The following FOXP1 variants were observed in gnomAD, a reference collection of about 807,000 sequenced individuals.
The protein encoded by FOXP1 is forkhead box P1.
FOXP1 carries 15 observed loss-of-function variants against 98.2 expected under a neutral mutation model. The observed-to-expected ratio is 0.15, with a 90% confidence interval of 0.10 to 0.24. FOXP1 has a LOEUF of 0.24. Among genes scored for constraint, FOXP1 ranks in the 10% least tolerant of loss-of-function variants. FOXP1 has a pLI of 1.00. For synonymous variants in FOXP1, 371 were observed against 314.5 expected (o/e 1.18, Z -1.90); for missense variants, 633 against 848.5 (o/e 0.75, Z 3.15).
At chr3:71,202,981 T>C (rs562212283) in intron 5 of FOXP1, among the ~76,000 whole-genome samples, 1 of 152,286 alleles carries the variant, frequency 6.6e-6, no homozygotes, top group East Asian at 1.9e-4. Context: ...CCTCTGCTTC[T>C]CTCTGGGGGA....
At chr3:71,255,520 T>A (rs1303685481) in intron 5 of FOXP1, among the ~76,000 whole-genome samples, 2 of 152,226 alleles carry the variant, frequency 1.3e-5, no homozygotes, top group Non-Finnish European at 2.9e-5. Flanking sequence ...TTTAGGCTAA[T>A]AAATTTCTTT....
In FOXP1 at chr3:70,956,719, G is replaced by A. The variant is rs2031883430; in HGVS notation, c.*2528C>T. 7.5e-6 allele frequency: 1 copy of A among 133,858 alleles called. No individual in the cohort carries two copies. The allele number at this position is 133,858 out of a possible 1,614,324, so 8.3% of individuals were successfully genotyped here. A position where few individuals can be genotyped will look rare whatever the true frequency, so the allele number is the denominator to read the frequency against. On this transcript the variant is annotated 3_prime_UTR_variant, in exon 21 of 21. Transcript: ENST00000649528. ...CTGGCTACTGCCTGCACATCATGAA[G>A]CTGCCTGGAAAAGTTTTTTTTTTTT...
chr3:70,970,578 T>C (rs749898604), intron 19 of FOXP1, 158 bp downstream of exon 19: 3 of 714,524 alleles, frequency 4.2e-6, no homozygotes, highest in African/African-American at 1.8e-5. Flanking sequence ...AGCAGCCCGA[T>C]GTGTTTGCCT....
At chr3:71,479,766 C>G (rs1433591195) in intron 3 of FOXP1, among the ~76,000 whole-genome samples, 1 of 150,444 alleles carries the variant, frequency 6.6e-6, no homozygotes, top group South Asian at 2.1e-4. Flanking sequence ...GTAGACAGAA[C>G]AGAAAAATTA....
intron 11 of FOXP1, among the ~76,000 whole-genome samples, chr3:71,029,387 GCT>G: frequency 6.6e-6 from 1 of 151,974 alleles, no homozygotes; most frequent in South Asian, 2.1e-4. Flanking sequence ...TTCCACTAGT[GCT>G]CTTTTTTTTT....
At chr3:71,025,507 G>A (rs2045995338) in intron 11 of FOXP1, among the ~76,000 whole-genome samples, 1 of 152,178 alleles carries the variant, frequency 6.6e-6, no homozygotes, top group African/African-American at 2.4e-5. Flanking sequence ...GATGGACATA[G>A]ATAAATATGT....
At chr3:71,240,874 T>G (rs966875069) in intron 5 of FOXP1, among the ~76,000 whole-genome samples, 1 of 151,860 alleles carries the variant, frequency 6.6e-6, no homozygotes, top group Admixed American at 6.6e-5. Context: ...ATCTCATCTA[T>G]GAAGGCCCAG....
rs760750456 is a variant in FOXP1 at position 71,380,635 on chromosome 3, T to C, written c.-167-21391A>G. Reference sequence around the variant, plus strand: ...ACTTTACACTCTTCAATGTTTGATATGCACAATGTTTATTTTTTAACAATG... The same window carrying C: ...ACTTTACACTCTTCAATGTTTGATACGCACAATGTTTATTTTTTAACAATG... On this transcript the variant is annotated intron_variant, in intron 3 of 20. Transcript: ENST00000649528. Among the ~76,000 whole-genome samples the C allele has an allele frequency of 2.0e-5, 3 of 151,972 alleles. No individual in the cohort carries two copies. In the East Asian group the frequency reaches 5.8e-4, roughly 29 times the overall value.
At chr3:71,081,676 T>G (rs2054435583) in intron 7 of FOXP1, among the ~76,000 whole-genome samples, 1 of 152,230 alleles carries the variant, frequency 6.6e-6, no homozygotes, top group Non-Finnish European at 1.5e-5. Context: ...GGAGCAGTGC[T>G]TTTTATTTCC....
chr3:71,537,002 C>T (rs937519), intron 2 of FOXP1, among the ~76,000 whole-genome samples: 12,359 of 152,208 alleles, frequency 0.081, 699 homozygotes, highest in African/African-American at 0.16. Flanking sequence ...GGTCTGCCAA[C>T]TGTCCCAGGA....
intron 4 of FOXP1, among the ~76,000 whole-genome samples, chr3:71,306,391 A>T (rs187977473): frequency 6.6e-6 from 1 of 152,276 alleles, no homozygotes; most frequent in East Asian, 1.9e-4. Flanking sequence ...GTTGCATTTC[A>T]ATCTTTAACA....
intron 11 of FOXP1, among the ~76,000 whole-genome samples, chr3:71,033,561 G>T (rs556994022): frequency 1.3e-4 from 19 of 146,488 alleles, no homozygotes; most frequent in Admixed American, 4.8e-4. Flanking sequence ...GAGAATAATG[G>T]CTGAGGTTTT....
At chr3:71,572,433 A>G (rs1016021944) in intron 2 of FOXP1, 1 of 152,224 alleles carries the variant, frequency 6.6e-6, no homozygotes, top group Non-Finnish European at 1.5e-5. Flanking sequence ...ATTAATATCC[A>G]GTATTTCAAA....
chr3:71,056,608 G>A (rs572868946), intron 7 of FOXP1, among the ~76,000 whole-genome samples: 12 of 152,262 alleles, frequency 7.9e-5, no homozygotes, highest in Admixed American at 7.2e-4. Context: ...ATTATATCCT[G>A]ATGGCCTTAA....
intron 5 of FOXP1, among the ~76,000 whole-genome samples, chr3:71,275,066 C>G (rs1323800421): frequency 1.3e-5 from 2 of 152,224 alleles, no homozygotes; most frequent in Non-Finnish European, 2.9e-5. Flanking sequence ...AGTTTCTTGT[C>G]TCTCTATTCC....
chr3:71,256,743 C>G (rs2068658818), intron 5 of FOXP1, among the ~76,000 whole-genome samples: 1 of 152,258 alleles, frequency 6.6e-6, no homozygotes, highest in Non-Finnish European at 1.5e-5. Flanking sequence ...GGCTGGGACT[C>G]TTAGTCAAGA....
At chr3:70,964,643 C>T (rs1266363913) in intron 20 of FOXP1, among the ~76,000 whole-genome samples, 1 of 152,146 alleles carries the variant, frequency 6.6e-6, no homozygotes, top group East Asian at 1.9e-4. Context: ...CACTAAGTTG[C>T]TTTGGAAAGG....
intron 7 of FOXP1, among the ~76,000 whole-genome samples, chr3:71,058,799 A>C (rs1459788501): frequency 6.6e-6 from 1 of 152,138 alleles, no homozygotes; most frequent in Non-Finnish European, 1.5e-5. Context: ...TATTAAAAAA[A>C]CAAAACAAAA....
chr3:71,177,524 AGAGATGCTT>A (rs1192513159), intron 6 of FOXP1, among the ~76,000 whole-genome samples: 1 of 152,222 alleles, frequency 6.6e-6, no homozygotes, highest in Non-Finnish European at 1.5e-5. Flanking sequence ...AAACACAGTA[AGAGATGCTT>A]GAGAGCTCTG....
Sources: gnomAD v4.1 joint callset for allele counts (sites outside exome capture counted in the v4.1 genomes callset) on GRCh38, gnomAD v4.1.1 for gene constraint, MANE v1.5 for transcripts, NCBI Gene and HGNC (gene_info 2026-07-23, HGNC 2026-07-21) for gene names.